NRXN1: variants seen among roughly 807,000 people sequenced by gnomAD.
NRXN1 encodes neurexin-1.
Under a neutral mutation model 150.9 loss-of-function variants are expected in NRXN1, and 39 were observed. That is an observed-to-expected ratio of 0.26 (90% confidence interval 0.20 to 0.34). The LOEUF is 0.34. NRXN1 is among the 10% of genes least tolerant of loss of function. The pLI, the probability that NRXN1 is intolerant of heterozygous loss-of-function variation, is 1.00. For missense variants in NRXN1, 1,815 were observed against 1,949.9 expected, an observed-to-expected ratio of 0.93 and a Z score of 1.30; for synonymous variants, 924 against 757.0, an observed-to-expected ratio of 1.22 and a Z score of -3.62.
rs546587195 is a variant in NRXN1, at chr2:50,427,563, GTATTGGTGA to G, written c.3364+37870_3364+37878del. Among the ~76,000 whole-genome samples the G allele has an allele frequency of 3.1e-3, 476 of 152,268 alleles. 1 individual carries two copies. The highest frequency in any genetic ancestry group is 5.6e-3 in the Admixed American group (86 of 15,288). On this transcript the variant is annotated intron_variant, in intron 17 of 22. Transcript: ENST00000401669. The stretch of plus-strand genomic sequence containing the variant: ...TAAGGAGACATCCACAAAGTGTGTG[GTATTGGTGA>G]TGTGACTGCTATCTTCCTCTTTCTC...
At chr2:50,787,935 A>T (rs1401635214) in intron 5 of NRXN1, among the ~76,000 whole-genome samples, 2 of 152,134 alleles carry the variant, frequency 1.3e-5, no homozygotes, top group Non-Finnish European at 2.9e-5. Flanking sequence ...AAATGGCATA[A>T]TATAAATGAA....
chr2:50,744,327 G>A (rs1463678329), intron 5 of NRXN1, among the ~76,000 whole-genome samples: 2 of 152,014 alleles, frequency 1.3e-5, no homozygotes, highest in Non-Finnish European at 2.9e-5. Flanking sequence ...ACAGCAAAGA[G>A]GCCATCAAGA....
chr2:50,057,983 A>C (rs1159253936), intron 19 of NRXN1, among the ~76,000 whole-genome samples: 1 of 152,100 alleles, frequency 6.6e-6, no homozygotes, highest in Non-Finnish European at 1.5e-5. Flanking sequence ...GGGGAAAAAA[A>C]GGTCTAAACA....
At chr2:50,269,649 A>G (rs536954764) in intron 17 of NRXN1, among the ~76,000 whole-genome samples, 20 of 152,344 alleles carry the variant, frequency 1.3e-4, no homozygotes, top group Non-Finnish European at 2.5e-4. Flanking sequence ...AAAGAAAGAC[A>G]CTACTTCTAC....
intron 5 of NRXN1, among the ~76,000 whole-genome samples, chr2:50,693,640 T>C (rs1237062077): frequency 1.3e-5 from 2 of 152,026 alleles, no homozygotes; most frequent in Non-Finnish European, 2.9e-5. Context: ...AACCACTAAC[T>C]GCAAAGGAAA....
chr2:50,373,411 C>T (rs994764187), intron 17 of NRXN1, among the ~76,000 whole-genome samples: 13 of 149,292 alleles, frequency 8.7e-5, no homozygotes, highest in Admixed American at 6.7e-5. Flanking sequence ...CTTCCACTCC[C>T]GGCAGCTGGA....
intron 5 of NRXN1, among the ~76,000 whole-genome samples, chr2:50,832,836 T>C (rs565941889): frequency 2.0e-5 from 3 of 152,298 alleles, no homozygotes; most frequent in South Asian, 2.1e-4. Context: ...TGAGAAGATT[T>C]AGAAATGCTA....
chr2:50,340,745 GAAA>G (rs2077490534), intron 17 of NRXN1, among the ~76,000 whole-genome samples: 1 of 151,820 alleles, frequency 6.6e-6, no homozygotes, highest in Non-Finnish European at 1.5e-5. Flanking sequence ...AGAGAAAAAC[GAAA>G]CAAGAATATG....
intron 5 of NRXN1, among the ~76,000 whole-genome samples, chr2:50,670,646 A>T (rs1206948423): frequency 6.6e-6 from 1 of 151,906 alleles, no homozygotes; most frequent in Non-Finnish European, 1.5e-5. Flanking sequence ...CTGTACCTGG[A>T]TCCAATTTAG....
chr2:50,723,519 G>A (rs549245494), intron 5 of NRXN1, among the ~76,000 whole-genome samples: 5 of 152,324 alleles, frequency 3.3e-5, no homozygotes, highest in South Asian at 2.1e-4. Flanking sequence ...AACAACCAAC[G>A]AATCTAGGAG....
chr2:50,796,068 T>G (rs1233844164), intron 5 of NRXN1, among the ~76,000 whole-genome samples: 2 of 152,140 alleles, frequency 1.3e-5, no homozygotes, highest in African/African-American at 4.8e-5. Flanking sequence ...GTTTCCTCAG[T>G]AGCTGCTGAT....
At chr2:50,424,118 A>C (rs2084245284) in intron 17 of NRXN1, among the ~76,000 whole-genome samples, 1 of 130,606 alleles carries the variant, frequency 7.7e-6, no homozygotes, top group African/African-American at 2.9e-5. Context: ...AGAAAGAAGA[A>C]GAAGGAGGCG....
chr2:49,970,135 A>G (rs1245034690), intron 21 of NRXN1: 1 of 152,130 alleles, frequency 6.6e-6, no homozygotes, highest in Non-Finnish European at 1.5e-5. Flanking sequence ...ACAAAAGGCT[A>G]TACATTATAG....
rs1330099845 is a variant in NRXN1 at position 50,346,590 on chromosome 2, G to A, written c.3365-109620C>T. On this transcript the variant is annotated intron_variant, in intron 17 of 22. Transcript: ENST00000401669. This position sits in a 1 kb window ranked among gnomAD's most constrained non-coding sequence, Gnocchi z 5.0. ...CACCCAAATGCACCTCCCTTTTGTC[G>A]AGCTCCCATTTCTCTGAGCCTTAGG... The A allele has an allele frequency of 8.6e-6, 11 of 1,272,134 alleles. No homozygotes were observed. Among genetic ancestry groups the A allele is most frequent in the Middle Eastern group, 1.9e-4 (1 of 5,132 alleles). 78.8% of individuals were successfully genotyped at this position (1,272,134 alleles called of 1,614,324 possible).
chr2:50,578,623 G>C (rs1352541285), intron 8 of NRXN1, among the ~76,000 whole-genome samples: 1 of 151,944 alleles, frequency 6.6e-6, no homozygotes, highest in Non-Finnish European at 1.5e-5. Context: ...GTGCATGTGT[G>C]TATTTAATTT....
At chr2:50,249,358 CAAAT>C (rs1408801135) in intron 17 of NRXN1, among the ~76,000 whole-genome samples, 2 of 151,884 alleles carry the variant, frequency 1.3e-5, no homozygotes, top group Non-Finnish European at 2.9e-5. Context: ...AACTCTAACT[CAAAT>C]TAATGAGTGG....
chr2:50,826,542 T>C (rs1209148536), intron 5 of NRXN1, among the ~76,000 whole-genome samples: 2 of 152,150 alleles, frequency 1.3e-5, no homozygotes, highest in African/African-American at 2.4e-5. Context: ...CCCATATAAA[T>C]TCGGGATACA....
intron 5 of NRXN1, among the ~76,000 whole-genome samples, chr2:50,840,735 G>A (rs1672753965): frequency 6.6e-6 from 1 of 152,114 alleles, no homozygotes; most frequent in Non-Finnish European, 1.5e-5. Context: ...AGAAATAGGG[G>A]ATTCATCACA....
chr2:50,292,105 G>C (rs1277133976), intron 17 of NRXN1, among the ~76,000 whole-genome samples: 3 of 152,158 alleles, frequency 2.0e-5, no homozygotes, highest in Non-Finnish European at 4.4e-5. Context: ...AAACCAAGGT[G>C]CTTGGCCAAA....
Sources: allele counts gnomAD v4.1 joint callset (sites outside exome capture counted in the v4.1 genomes callset), GRCh38; gene constraint gnomAD v4.1.1; non-coding constraint Gnocchi (gnomAD v3.1); transcripts MANE v1.5; gene names NCBI Gene and HGNC (gene_info 2026-07-23, HGNC 2026-07-21).